ANKRD33B: variants seen among roughly 807,000 people sequenced by gnomAD.
ANKRD33B encodes ankyrin repeat domain-containing protein 33B.
In ANKRD33B, 6 loss-of-function variants were observed where a neutral mutation model predicts 21.5. The observed-to-expected ratio is 0.28, with a 90% CI of 0.15 to 0.55. The LOEUF (loss-of-function observed/expected upper bound fraction) is 0.55, where lower values mean the gene tolerates loss of function less well. Among genes scored for constraint, ANKRD33B ranks in the 20% least tolerant of loss-of-function variants. The pLI, the probability that ANKRD33B is intolerant of heterozygous loss-of-function variation, is 0.94. For synonymous variants in ANKRD33B, 347 were observed against 342.4 expected, an observed-to-expected ratio of 1.01 and a Z score of -0.15; for missense variants, 698 against 747.2, an observed-to-expected ratio of 0.93 and a Z score of 0.77.
chr5:10,582,309 G>A (rs1474489026), intron 1 of ANKRD33B, among the ~76,000 whole-genome samples: 1 of 152,176 alleles, frequency 6.6e-6, no homozygotes. Flanking sequence ...GGTCCTAGCT[G>A]TCCCTGCGTT....
At chr5:10,601,713 C>T (rs763903041) in intron 1 of ANKRD33B, among the ~76,000 whole-genome samples, 1 of 152,252 alleles carries the variant, frequency 6.6e-6, no homozygotes, top group Non-Finnish European at 1.5e-5. Context: ...CAGCCCTCCT[C>T]CCTGCGGGGC....
intron 1 of ANKRD33B, among the ~76,000 whole-genome samples, chr5:10,575,450 C>T (rs1476617441): frequency 4.0e-5 from 6 of 151,246 alleles, no homozygotes. Flanking sequence ...AGTCTTAATT[C>T]TATGCCATTG....
Position 10,649,980 on chromosome 5 carries a change from G to A in ANKRD33B, c.1352G>A (p.Gly451Asp). The A allele has an allele frequency of 2.6e-6, 4 of 1,533,458 alleles. No homozygotes were observed. The highest frequency in any genetic ancestry group is 3.5e-6 in the Non-Finnish European group (4 of 1,144,872). 95.0% of individuals were successfully genotyped at this position (1,533,458 alleles called of 1,614,324 possible). Residue 451 changes from glycine to aspartate, a missense_variant, in exon 4 of 4, where the codon GGC (glycine) becomes GAC (aspartate). By Grantham distance (94) the Gly-to-Asp change is moderately conservative. Coordinates refer to ENST00000296657, the MANE Select transcript of ANKRD33B (RefSeq NM_001164440.2). ...PARKGSTKDS[G>D]HLQIPKWRYK... ...CGGAAGGGCAGCACCAAGGACAGCG[G>A]CCACCTGCAGATCCCCAAGTGGCGG...
At chr5:10,588,285 A>G (rs1434406727) in intron 1 of ANKRD33B, among the ~76,000 whole-genome samples, 1 of 152,202 alleles carries the variant, frequency 6.6e-6, no homozygotes, top group African/African-American at 2.4e-5. Flanking sequence ...TAGCACCTTC[A>G]TGAGGGCACC....
chr5:10,634,351 GTTC>G (rs1413066462), intron 2 of ANKRD33B, among the ~76,000 whole-genome samples: 783 of 46,732 alleles, frequency 0.017, 13 homozygotes, highest in African/African-American at 0.043. Flanking sequence ...GAGAGGGGGT[GTTC>G]TGGGGTTCTC....
In ANKRD33B at chr5:10,654,455, T is replaced by C. The variant is rs1336756240; in HGVS notation, c.*4342T>C. ...GAAAAGTTGAAGTCTATTTTACTAC[T>C]TTTTAGTGTTTGAGTAAATTATGCT... On this transcript the variant is annotated 3_prime_UTR_variant, in exon 4 of 4. Coordinates refer to ENST00000296657, the MANE Select transcript of ANKRD33B (RefSeq NM_001164440.2). 1 of 152,378 alleles carries C rather than the reference T, an allele frequency of 6.6e-6. No homozygotes were observed. Among genetic ancestry groups the C allele is most frequent in the African/African-American group, 2.4e-5 (1 of 41,468 alleles). The allele number at this position is 152,378 out of a possible 1,614,324, so 9.4% of individuals were successfully genotyped here.
rs141003458 is a variant in ANKRD33B at position 10,601,891 on chromosome 5, T to C, written c.367-16442T>C. ...GACAGGGGGCTGCCATTTCCCCCCA[T>C]GGGGCCAGGGATGACTCTTGGTAGA... On this transcript the variant is annotated intron_variant, in intron 1 of 3. Transcript: ENST00000296657. 6.0e-3 allele frequency among the ~76,000 whole-genome samples: 910 copies of C among 152,304 alleles called. 3 individuals carry two copies. The highest frequency in any genetic ancestry group is 8.5e-3 in the Non-Finnish European group (575 of 68,010).
chr5:10,625,426 A>C (rs1163289425), intron 2 of ANKRD33B, among the ~76,000 whole-genome samples: 1 of 152,162 alleles, frequency 6.6e-6, no homozygotes, highest in African/African-American at 2.4e-5. Flanking sequence ...TGCGCTTTGT[A>C]TTCACATGAC....
chr5:10,608,117 G>A (rs1447641721), intron 1 of ANKRD33B, among the ~76,000 whole-genome samples: 1 of 151,876 alleles, frequency 6.6e-6, no homozygotes, highest in Non-Finnish European at 1.5e-5. Context: ...GGGAGGCTGA[G>A]GCGGGTGGAT....
rs556729876 is a variant in ANKRD33B, at chr5:10,649,870, G to A, written c.1242G>A (p.Arg414=). 5 of 1,451,344 alleles carry A rather than the reference G, an allele frequency of 3.4e-6. No homozygotes were observed. The Admixed American group carries it at 1.3e-4, about 37-fold the overall frequency. 89.9% of individuals were successfully genotyped at this position (1,451,344 alleles called of 1,614,324 possible). ...TCCTGCCCCTGCAGCGCCTGCGGCGGAGAAGCGTGCGGCCCGGTGTGGTGG... is the reference window on the plus strand; with the variant it reads ...TCCTGCCCCTGCAGCGCCTGCGGCGAAGAAGCGTGCGGCCCGGTGTGGTGG... The part of the protein sequence containing the change: ...ASLLPLQRLR[R]RSVRPGVVVP... The change falls in exon 4 of 4, where the codon CGG becomes CGA. Residue 414 remains arginine, a synonymous_variant. Coordinates refer to ENST00000296657, the MANE Select transcript of ANKRD33B (RefSeq NM_001164440.2).
chr5:10,645,591 C>T (rs986359094), intron 3 of ANKRD33B, among the ~76,000 whole-genome samples: 2 of 152,198 alleles, frequency 1.3e-5, no homozygotes, highest in African/African-American at 4.8e-5. Flanking sequence ...CCCTCCAGAG[C>T]TGGCCCTGGA....
In ANKRD33B at chr5:10,574,639, C is replaced by G. The variant is rs189632492; in HGVS notation, c.366+9806C>G. 4.8e-4 allele frequency among the ~76,000 whole-genome samples: 73 copies of G among 152,226 alleles called. 1 individual carries two copies. Among genetic ancestry groups the G allele is most frequent in the African/African-American group, 1.7e-3 (69 of 41,514 alleles). On this transcript the variant is annotated intron_variant, in intron 1 of 3. Transcript: ENST00000296657. ...TATAGATCCAGGACAAAAGCTGATT[C>G]TCTGAAAGTAATAATAAAATAGATA...
intron 3 of ANKRD33B, among the ~76,000 whole-genome samples, 197 bp from the exon 4 acceptor site, chr5:10,649,069 C>T (rs968258946): frequency 1.3e-5 from 2 of 151,314 alleles, no homozygotes; most frequent in African/African-American, 2.4e-5. Context: ...GACGTGTTCC[C>T]GCCACTGCAC....
At chr5:10,567,615 C>T (rs971664832) in intron 1 of ANKRD33B, among the ~76,000 whole-genome samples, 1 of 152,194 alleles carries the variant, frequency 6.6e-6, no homozygotes, top group Non-Finnish European at 1.5e-5. Context: ...CTCCTCTTGT[C>T]CAAGCCTACA....
At chr5:10,572,259 A>G (rs375319081) in intron 1 of ANKRD33B, among the ~76,000 whole-genome samples, 127 of 152,308 alleles carry the variant, frequency 8.3e-4, no homozygotes, top group Middle Eastern at 3.4e-3. Flanking sequence ...TCACTGGTGC[A>G]GACTCTTGAA....
chr5:10,645,282 G>C (rs926479361), intron 3 of ANKRD33B, among the ~76,000 whole-genome samples: 2 of 152,170 alleles, frequency 1.3e-5, no homozygotes, highest in Non-Finnish European at 2.9e-5. Context: ...AGGGAGACCT[G>C]AGCTAGGGTT....
chr5:10,564,789 GGGGTGAGCGTCGAGGAGGCGCA>G lies in ANKRD33B; in HGVS notation c.325_346del (p.Val109ArgfsTer25). ...GCTGCTGCGGACGCTGGTGCGGCGC[GGGGTGAGCGTCGAGGAGGCGCA>G]GGAGACTGACCGCAACGGCAGGGTA... On this transcript the variant is annotated frameshift_variant, in exon 1 of 4. Coordinates refer to ENST00000296657, the MANE Select transcript of ANKRD33B (RefSeq NM_001164440.2). LOFTEE classifies it high-confidence loss of function. The G allele has an allele frequency of 6.6e-7, 1 of 1,523,918 alleles. No homozygotes were observed. Among genetic ancestry groups the G allele is most frequent in the Non-Finnish European group, 8.8e-7 (1 of 1,138,886 alleles). The allele number at this position is 1,523,918 out of a possible 1,614,324, so 94.4% of individuals were successfully genotyped here. A position where few individuals can be genotyped will look rare whatever the true frequency, so the allele number is the denominator to read the frequency against.
At chr5:10,575,387 C>T (rs1411105392) in intron 1 of ANKRD33B, among the ~76,000 whole-genome samples, 1 of 149,756 alleles carries the variant, frequency 6.7e-6, no homozygotes, top group East Asian at 2.0e-4. Context: ...GATCGCACCA[C>T]TCCACTCGAG....
chr5:10,605,071 G>A (rs1156411987), intron 1 of ANKRD33B, among the ~76,000 whole-genome samples: 3 of 152,180 alleles, frequency 2.0e-5, no homozygotes, highest in Non-Finnish European at 2.9e-5. Context: ...GCTCTCTCTC[G>A]TGGCTGGCAC....
Sources: allele counts gnomAD v4.1 joint callset (sites outside exome capture counted in the v4.1 genomes callset), GRCh38; gene constraint gnomAD v4.1.1; transcripts MANE v1.5; gene names NCBI Gene and HGNC (gene_info 2026-07-23, HGNC 2026-07-21).